Variants in NKIRAS1 observed in about 807,000 individuals in gnomAD.
NKIRAS1 encodes NF-kappa-B inhibitor-interacting Ras-like protein 1.
NKIRAS1 carries 16 observed loss-of-function variants against 19.8 expected under a neutral mutation model. That is an observed-to-expected ratio of 0.81 (90% confidence interval 0.55 to 1.23). The LOEUF (loss-of-function observed/expected upper bound fraction) is 1.23, where lower values mean the gene tolerates loss of function less well. Among genes scored for constraint, NKIRAS1 ranks in the 50% most tolerant of loss-of-function variants. The pLI, the probability that NKIRAS1 is intolerant of heterozygous loss-of-function variation, is 0.00. For synonymous variants in NKIRAS1, 88 were observed against 79.0 expected, an observed-to-expected ratio of 1.11 and a Z score of -0.61; for missense variants, 184 against 220.0, an observed-to-expected ratio of 0.84 and a Z score of 1.04.
chr3:23,919,213 C>T, upstream of NKIRAS1: 1 of 1,613,830 alleles, frequency 6.2e-7, no homozygotes, highest in Non-Finnish European at 8.5e-7. Context: ...CTGGACGCCA[C>T]TGTGGGGCTC....
upstream of NKIRAS1, chr3:23,921,535 T>C: frequency 2.9e-6 from 2 of 681,810 alleles, no homozygotes; most frequent in Non-Finnish European, 5.3e-6. Context: ...ATTTCTATAT[T>C]GGCATGTAAT....
At chr3:23,902,619 C>T (rs1264427225) in intron 3 of NKIRAS1, among the ~76,000 whole-genome samples, 1 of 152,174 alleles carries the variant, frequency 6.6e-6, no homozygotes, top group Non-Finnish European at 1.5e-5. Flanking sequence ...CCACCTGCCT[C>T]TCCAAAAGGG....
At chr3:23,913,048 A>AG (rs1371476720) in intron 1 of NKIRAS1, among the ~76,000 whole-genome samples, 1 of 150,554 alleles carries the variant, frequency 6.6e-6, no homozygotes. Flanking sequence ...CTCAAAAAAA[A>AG]AAAAAAAAAA....
rs1377109095 is a variant in NKIRAS1 at position 23,916,923 on chromosome 3, ACT to A, written c.-281_-280del. 3.3e-5 allele frequency: 5 copies of A among 152,580 alleles called. No individual in the cohort carries two copies. The highest frequency in any genetic ancestry group is 1.2e-4 in the African/African-American group (5 of 41,428). 9.5% of individuals were successfully genotyped at this position (152,580 alleles called of 1,614,324 possible). On this transcript the variant is annotated 5_prime_UTR_variant, in exon 1 of 5. Transcript: ENST00000425478. Reference sequence around the variant, plus strand: ...CTTAGCCGCCGAGACCTCGCCGCCAACTCTCTCACCTCTCGAGACGCCCAGGC... The same window carrying A: ...CTTAGCCGCCGAGACCTCGCCGCCAACTCTCACCTCTCGAGACGCCCAGGC...
intron 3 of NKIRAS1, among the ~76,000 whole-genome samples, chr3:23,906,092 G>T (rs940293430): frequency 1.3e-5 from 2 of 148,322 alleles, no homozygotes; most frequent in African/African-American, 5.0e-5. Flanking sequence ...CTAGGAGGTG[G>T]AGGTTGCAGT....
chr3:23,924,146 C>CA (rs1375648289), intron 1 of NKIRAS1: 1 of 152,206 alleles, frequency 6.6e-6, no homozygotes, highest in Non-Finnish European at 1.5e-5. Flanking sequence ...CATCAGACAG[C>CA]ATGAGTGGTA....
Position 23,945,674 on chromosome 3 carries a change from AG to A in NKIRAS1, c.-140+648del, listed in dbSNP as rs915122669. On this transcript the variant is annotated intron_variant, in intron 1 of 4. Coordinates refer to the NKIRAS1 transcript ENST00000421515. ...GCGGGGCACTTTGGGGGGCGGCGGC[AG>A]GGGGTGTCCCCATGGCCGGTGGGGC... is the stretch of plus-strand genomic sequence containing the variant. The A allele has an allele frequency of 2.3e-5, 5 of 222,006 alleles. No homozygotes were observed. In the East Asian group the frequency reaches 6.2e-4, roughly 28 times the overall value. 13.8% of individuals were successfully genotyped at this position (222,006 alleles called of 1,614,324 possible). A position where few individuals can be genotyped will look rare whatever the true frequency, so the allele number is the denominator to read the frequency against.
rs979731599 is a variant in NKIRAS1 at position 23,916,876 on chromosome 3, G to A, written c.-232C>T. On this transcript the variant is annotated 5_prime_UTR_variant, in exon 1 of 5. Transcript: ENST00000425478. ...GGACCCCAACTTGCCTCCTCTCGCGGAGAGACAGTCGCCGACGCTCGCTTA... is the reference window on the plus strand; with the variant it reads ...GGACCCCAACTTGCCTCCTCTCGCGAAGAGACAGTCGCCGACGCTCGCTTA... 6 of 152,870 alleles carry A rather than the reference G, an allele frequency of 3.9e-5. No individual in the cohort carries two copies. The highest frequency in any genetic ancestry group is 1.4e-4 in the African/African-American group (6 of 41,484). The allele number at this position is 152,870 out of a possible 1,614,324, so 9.5% of individuals were successfully genotyped here. A position where few individuals can be genotyped will look rare whatever the true frequency, so the allele number is the denominator to read the frequency against.
Position 23,910,798 on chromosome 3 carries a change from A to G in NKIRAS1, c.94+13T>C. ...CCAGAACCTAGAGACAAACTAGAGA[A>G]AAACAATCTTACCAATAGTATGATT... On this transcript the variant is annotated intron_variant, in intron 3 of 4. Coordinates refer to ENST00000425478, the MANE Select transcript of NKIRAS1 (RefSeq NM_020345.4). 6.3e-7 allele frequency: 1 copy of G among 1,599,476 alleles called. No individual in the cohort carries two copies. The highest frequency in any genetic ancestry group is 8.6e-7 in the Non-Finnish European group (1 of 1,166,782).
intron 1 of NKIRAS1, among the ~76,000 whole-genome samples, chr3:23,911,705 A>G (rs1703755605): frequency 6.6e-6 from 1 of 152,118 alleles, no homozygotes; most frequent in African/African-American, 2.4e-5. Flanking sequence ...AAGAAACATG[A>G]AAGTTTATGT....
upstream of NKIRAS1, chr3:23,921,084 G>A (rs1705051786): frequency 6.6e-6 from 1 of 152,656 alleles, no homozygotes; most frequent in Non-Finnish European, 1.5e-5. Flanking sequence ...TGGGAGACAA[G>A]CTGGAGGATT....
intron 1 of NKIRAS1, among the ~76,000 whole-genome samples, chr3:23,938,402 G>A (rs1261745003): frequency 2.0e-5 from 3 of 151,912 alleles, no homozygotes; most frequent in Non-Finnish European, 4.4e-5. Flanking sequence ...TAGAGTTGGG[G>A]GGTCTCACTA....
At chr3:23,895,763 A>AC (rs1243189508) in intron 4 of NKIRAS1, among the ~76,000 whole-genome samples, 6 of 152,112 alleles carry the variant, frequency 3.9e-5, no homozygotes, top group Non-Finnish European at 8.8e-5. Context: ...GTGCCCTTCT[A>AC]CAAGTTCCAG....
intron 4 of NKIRAS1, among the ~76,000 whole-genome samples, chr3:23,900,543 G>A (rs1702414847): frequency 6.7e-6 from 1 of 150,300 alleles, no homozygotes; most frequent in African/African-American, 2.5e-5. Flanking sequence ...GCTGAGGCAG[G>A]AGAATCGCTT....
At chr3:23,940,377 G>T (rs113950140) in intron 1 of NKIRAS1, among the ~76,000 whole-genome samples, 2 of 151,856 alleles carry the variant, frequency 1.3e-5, no homozygotes, top group Non-Finnish European at 2.9e-5. Context: ...GCAACAGTGT[G>T]AATTTTTTTT....
intron 4 of NKIRAS1, among the ~76,000 whole-genome samples, chr3:23,896,968 G>A (rs936291046): frequency 6.6e-6 from 1 of 152,200 alleles, no homozygotes. Context: ...CACTTTGGGA[G>A]GCCGAGGCAG....
chr3:23,900,641 CAAAAAAAAAAA>C (rs57762803), intron 4 of NKIRAS1, among the ~76,000 whole-genome samples, 156 bp downstream of exon 4: 1 of 114,170 alleles, frequency 8.8e-6, no homozygotes, highest in African/African-American at 3.4e-5. Context: ...GACTCCGTCT[CAAAAAAAAAAA>C]AAAAAGAAAA....
chr3:23,939,798 T>A (rs1013945240), intron 1 of NKIRAS1, among the ~76,000 whole-genome samples: 2 of 152,046 alleles, frequency 1.3e-5, no homozygotes, highest in Admixed American at 6.6e-5. Flanking sequence ...AGAGTTGATA[T>A]CAATCAAAGA....
At chr3:23,918,374 A>G, upstream of NKIRAS1, 1 of 1,539,442 alleles carries the variant, frequency 6.5e-7, no homozygotes, top group Non-Finnish European at 8.8e-7. Flanking sequence ...ATTAGTGACA[A>G]GCCATTGAGT....
Sources: allele counts gnomAD v4.1 joint callset (sites outside exome capture counted in the v4.1 genomes callset), GRCh38; gene constraint gnomAD v4.1.1; transcripts MANE v1.5; gene names NCBI Gene and HGNC (gene_info 2026-07-23, HGNC 2026-07-21).